PCDHGA12: variants seen among roughly 807,000 people sequenced by gnomAD.
The protein encoded by PCDHGA12 is protocadherin gamma subfamily A, 12.
A neutral mutation model predicts 61.1 loss-of-function variants in PCDHGA12; 43 were observed. The observed-to-expected ratio is 0.70, with a 90% CI of 0.55 to 0.91. PCDHGA12 has a LOEUF of 0.91. Ranked by LOEUF, PCDHGA12 falls within the 40% of genes least tolerant of loss-of-function variation. PCDHGA12 has a pLI of 0.00. For synonymous variants in PCDHGA12, 520 were observed against 542.9 expected, an observed-to-expected ratio of 0.96 and a Z score of 0.59; for missense variants, 1,236 against 1,227.7, an observed-to-expected ratio of 1.01 and a Z score of -0.10.
chr5:141,498,251 C>A (rs1277949209), intron 2 of PCDHGA12, among the ~76,000 whole-genome samples: 1 of 152,178 alleles, frequency 6.6e-6, no homozygotes, highest in African/African-American at 2.4e-5. Flanking sequence ...CAAAGCAGGG[C>A]TGGTGTTGAG....
chr5:141,431,273 C>T lies in PCDHGA12; in HGVS notation c.514C>T (p.Leu172Phe), dbSNP rs752219345. 54 of 1,614,068 alleles carry T rather than the reference C, an allele frequency of 3.3e-5. No individual in the cohort carries two copies. Among genetic ancestry groups the T allele is most frequent in the Non-Finnish European group, 4.1e-5 (48 of 1,180,052 alleles). The change falls in exon 1 of 4, where the codon CTC becomes TTC. Residue 172 changes from leucine (L) to phenylalanine (F), a missense_variant. Transcript: ENST00000252085. The surrounding 1 kb of genome is among the most constrained non-coding windows in gnomAD (Gnocchi z 4.8). Reference sequence around the variant, plus strand: ...GAAGAACTCTCTGCAGAGCTACGAGCTCAGCCCGAACACTCACTTCTCCCT... The same window carrying T: ...GAAGAACTCTCTGCAGAGCTACGAGTTCAGCCCGAACACTCACTTCTCCCT... ...IGKNSLQSYE[L>F]SPNTHFSLIV...
intron 1 of PCDHGA12, among the ~76,000 whole-genome samples, chr5:141,454,796 ATTTTTTTTTTTTTT>A (rs61612330): frequency 5.2e-5 from 4 of 77,408 alleles, no homozygotes; most frequent in Non-Finnish European, 9.3e-5. Flanking sequence ...CATGGTTCTA[ATTTTTTTTTTTTTT>A]TTTTTTTTTT....
At position 141,487,688 on chromosome 5, in the gene PCDHGA12, G is replaced by A. The variant is rs376927186; in HGVS notation, c.2425-7119G>A. On this transcript the variant is annotated intron_variant, in intron 1 of 3. Coordinates refer to ENST00000252085, the MANE Select transcript of PCDHGA12 (RefSeq NM_003735.3). The surrounding 1 kb of genome is among the most constrained non-coding windows in gnomAD (Gnocchi z 5.0). ...AGGCATATGGCTAGGCCATGTCCTA[G>A]AGAGTACTGGCCTCTCAGTAAGTGC... 6.2e-7 allele frequency: 1 copy of A among 1,604,966 alleles called. No homozygotes were observed.
In PCDHGA12 at chr5:141,491,721, C is replaced by T. The variant is rs761584159; in HGVS notation, c.2425-3086C>T. On this transcript the variant is annotated intron_variant, in intron 1 of 3. Transcript: ENST00000252085. The surrounding 1 kb of genome is among the most constrained non-coding windows in gnomAD (Gnocchi z 6.9). The stretch of plus-strand genomic sequence containing the variant: ...GCCAGGTGAGGGGCTCGGCGCCGCC[C>T]CGGGCGACCCCTGGGGGCGGCACTG... 3 of 1,607,250 alleles carry T rather than the reference C, an allele frequency of 1.9e-6. No homozygotes were observed. Among genetic ancestry groups the T allele is most frequent in the Admixed American group, 1.7e-5 (1 of 58,860 alleles).
Position 141,431,335 on chromosome 5 carries a change from C to G in PCDHGA12, c.576C>G (p.Pro192=), listed in dbSNP as rs747132346. Residue 192 remains proline, a synonymous_variant, in exon 1 of 4, where the codon CCC becomes CCG. Transcript: ENST00000252085. The surrounding 1 kb of genome is among the most constrained non-coding windows in gnomAD (Gnocchi z 4.8). ...ATGGAGCCGACGGTAGTAAGTACCC[C>G]GAATTGGTGCTGAAACGCGCCCTGG... ...VQNGADGSKY[P]ELVLKRALDR... is the part of the protein sequence containing the mutation. 2 of 1,614,062 alleles carry G rather than the reference C, an allele frequency of 1.2e-6. No homozygotes were observed. Among genetic ancestry groups the G allele is most frequent in the Non-Finnish European group, 1.7e-6 (2 of 1,180,022 alleles).
chr5:141,463,373 GTCTGAAAGTT>G (rs1463437299), intron 1 of PCDHGA12, among the ~76,000 whole-genome samples: 1 of 147,058 alleles, frequency 6.8e-6, no homozygotes, highest in Non-Finnish European at 1.5e-5. Context: ...CTGCCCCACA[GTCTGAAAGTT>G]GTCTCCAGGC....
chr5:141,466,037 G>T (rs1204301031), intron 1 of PCDHGA12, among the ~76,000 whole-genome samples: 1 of 152,056 alleles, frequency 6.6e-6, no homozygotes, highest in African/African-American at 2.4e-5. Flanking sequence ...CAGGAGAACG[G>T]CATGAACCCA....
intron 1 of PCDHGA12, among the ~76,000 whole-genome samples, chr5:141,481,994 A>AG (rs2099550091): frequency 1.3e-5 from 2 of 151,258 alleles, no homozygotes; most frequent in African/African-American, 4.9e-5. Context: ...TTGAAGCAGG[A>AG]GAATCGCTTT....
chr5:141,482,981 A>C (rs1377809325), intron 1 of PCDHGA12, among the ~76,000 whole-genome samples: 1 of 150,250 alleles, frequency 6.7e-6, no homozygotes, highest in Non-Finnish European at 1.5e-5. Context: ...GCTACTTGAG[A>C]GGTCGAGGCA....
At chr5:141,433,995 C>G (rs995723859) in intron 1 of PCDHGA12, among the ~76,000 whole-genome samples, 1 of 152,028 alleles carries the variant, frequency 6.6e-6, no homozygotes, top group Non-Finnish European at 1.5e-5. Context: ...GTTTTATATT[C>G]TCTATATATG....
At position 141,487,603 on chromosome 5, in the gene PCDHGA12, C is replaced by T; in HGVS notation, c.2425-7204C>T. The stretch of plus-strand genomic sequence containing the variant: ...CAAGCTGCCCACCCTCTGATCTTCT[C>T]TATGGGCTAGAGGTGAGACCTTTGC... On this transcript the variant is annotated intron_variant, in intron 1 of 3. Transcript: ENST00000252085. This position sits in a 1 kb window ranked among gnomAD's most constrained non-coding sequence, Gnocchi z 5.0. 1.2e-6 allele frequency: 2 copies of T among 1,614,214 alleles called. No individual in the cohort carries two copies. Among genetic ancestry groups the T allele is most frequent in the Non-Finnish European group, 1.7e-6 (2 of 1,180,042 alleles).
rs1036223789 is a variant in PCDHGA12, at chr5:141,511,298, G to C, written c.*125G>C. 49 of 1,502,412 alleles carry C rather than the reference G, an allele frequency of 3.3e-5. No homozygotes were observed. The African/African-American group carries it at 6.7e-4, about 20-fold the overall frequency. 93.1% of individuals were successfully genotyped at this position (1,502,412 alleles called of 1,614,324 possible). A position where few individuals can be genotyped will look rare whatever the true frequency, so the allele number is the denominator to read the frequency against. The stretch of plus-strand genomic sequence containing the variant: ...GAATACTGGTAGGGGCCAAGGCCAT[G>C]CTCCCCTTGGGAAACAGAAACAAGT... On this transcript the variant is annotated 3_prime_UTR_variant, in exon 4 of 4. Coordinates refer to ENST00000252085, the MANE Select transcript of PCDHGA12 (RefSeq NM_003735.3).
chr5:141,464,343 A>C (rs944042669), intron 1 of PCDHGA12, among the ~76,000 whole-genome samples: 7 of 151,212 alleles, frequency 4.6e-5, no homozygotes, highest in African/African-American at 1.5e-4. Context: ...ATGACTTGTC[A>C]TTTAGGTAGT....
intron 1 of PCDHGA12, among the ~76,000 whole-genome samples, chr5:141,472,400 G>A (rs2099279115): frequency 6.6e-6 from 1 of 152,024 alleles, no homozygotes; most frequent in East Asian, 1.9e-4. Flanking sequence ...AATTAGCCAG[G>A]CGTGGTGGCA....
At chr5:141,446,891 C>A (rs1457416718) in intron 1 of PCDHGA12, among the ~76,000 whole-genome samples, 1 of 152,152 alleles carries the variant, frequency 6.6e-6, no homozygotes, top group Non-Finnish European at 1.5e-5. Context: ...GGGTTCATGG[C>A]TGAGCTACTT....
chr5:141,443,849 T>A (rs1233479391), intron 1 of PCDHGA12, among the ~76,000 whole-genome samples: 2 of 152,136 alleles, frequency 1.3e-5, no homozygotes, highest in Admixed American at 1.3e-4. Flanking sequence ...ATATGGAAAG[T>A]CTGAAAACTG....
chr5:141,464,530 T>C (rs375523203), intron 1 of PCDHGA12, among the ~76,000 whole-genome samples: 1 of 152,108 alleles, frequency 6.6e-6, no homozygotes, highest in African/African-American at 2.4e-5. Flanking sequence ...TATGTAGTTT[T>C]GTTAAATATA....
chr5:141,505,704 G>A (rs770933428), intron 3 of PCDHGA12, among the ~76,000 whole-genome samples: 1 of 152,184 alleles, frequency 6.6e-6, no homozygotes, highest in Non-Finnish European at 1.5e-5. Context: ...GAGCGAACAA[G>A]GAAAAGACTC....
At chr5:141,460,335 T>C (rs1201595717) in intron 1 of PCDHGA12, among the ~76,000 whole-genome samples, 3 of 152,194 alleles carry the variant, frequency 2.0e-5, no homozygotes, top group Non-Finnish European at 4.4e-5. Flanking sequence ...CTTATGATGA[T>C]TTTCTCCTAT....
Sources: allele counts gnomAD v4.1 joint callset (sites outside exome capture counted in the v4.1 genomes callset), GRCh38; gene constraint gnomAD v4.1.1; non-coding constraint Gnocchi (gnomAD v3.1); transcripts MANE v1.5; gene names NCBI Gene and HGNC (gene_info 2026-07-23, HGNC 2026-07-21).